Variants in ACACA observed in about 807,000 individuals in gnomAD.
The protein encoded by ACACA is acetyl-CoA carboxylase alpha, also known as acetyl-CoA carboxylase 1.
A neutral mutation model predicts 296.1 loss-of-function variants in ACACA; 103 were observed. The observed-to-expected ratio is 0.35, with a 90% CI of 0.30 to 0.41. ACACA has a LOEUF of 0.41. ACACA is among the 10% of genes least tolerant of loss of function. The pLI, the probability that ACACA is intolerant of heterozygous loss-of-function variation, is 1.00. For synonymous variants in ACACA, 953 were observed against 1,038.6 expected (o/e 0.92, Z 1.58); for missense variants, 1,554 against 2,989.7 (o/e 0.52, Z 11.20).
intron 1 of ACACA, chr17:37,359,151 G>A: frequency 2.5e-5 from 25 of 984,984 alleles, no homozygotes; most frequent in Non-Finnish European, 3.0e-5. Context: ...GGCTTCAGGG[G>A]CCTGACCCGC....
chr17:37,155,486 A>G (rs2076204693), intron 43 of ACACA, among the ~76,000 whole-genome samples, 197 bp downstream of exon 43: 1 of 152,168 alleles, frequency 6.6e-6, no homozygotes, highest in South Asian at 2.1e-4. Flanking sequence ...ATTAAGTATT[A>G]TAAATTTAAA....
At chr17:37,161,269 A>G (rs548967435) in intron 42 of ACACA, among the ~76,000 whole-genome samples, 4 of 152,326 alleles carry the variant, frequency 2.6e-5, no homozygotes, top group Non-Finnish European at 5.9e-5. Context: ...GGAAGCAGCA[A>G]TGAGGATCAA....
chr17:37,375,310 C>T (rs952014796), intron 1 of ACACA, among the ~76,000 whole-genome samples: 1 of 152,018 alleles, frequency 6.6e-6, no homozygotes, highest in South Asian at 2.1e-4. Context: ...CACGGTGAAA[C>T]GCTGTCTCTA....
At chr17:37,231,956 C>T (rs2079879313) in intron 25 of ACACA, among the ~76,000 whole-genome samples, 1 of 152,160 alleles carries the variant, frequency 6.6e-6, no homozygotes, top group African/African-American at 2.4e-5. Flanking sequence ...GTCTTCCAGA[C>T]TTTGTGTTAA....
intron 1 of ACACA, among the ~76,000 whole-genome samples, chr17:37,369,851 G>A (rs1465311961): frequency 6.6e-6 from 1 of 151,648 alleles, no homozygotes; most frequent in Admixed American, 6.6e-5. Context: ...GATTACAGGT[G>A]CGTACCACCA....
intron 1 of ACACA, among the ~76,000 whole-genome samples, chr17:37,403,840 G>T (rs936682846): frequency 6.6e-6 from 1 of 151,932 alleles, no homozygotes; most frequent in South Asian, 2.1e-4. Context: ...GGGCAGTGGT[G>T]CGATTTCAGC....
At chr17:37,102,228 G>C (rs532516157) in intron 52 of ACACA, among the ~76,000 whole-genome samples, 1 of 129,280 alleles carries the variant, frequency 7.7e-6, no homozygotes, top group Non-Finnish European at 1.6e-5. Context: ...TTTTTGAGAC[G>C]GAGTCTTGCT....
chr17:37,204,957 T>A (rs2078430127), intron 33 of ACACA, among the ~76,000 whole-genome samples: 1 of 152,096 alleles, frequency 6.6e-6, no homozygotes, highest in Admixed American at 6.5e-5. Context: ...AGGGAGAAAG[T>A]GAAGGAAGAT....
At chr17:37,177,626 T>C (rs1801094431) in intron 41 of ACACA, among the ~76,000 whole-genome samples, 1 of 152,184 alleles carries the variant, frequency 6.6e-6, no homozygotes, top group South Asian at 2.1e-4. Flanking sequence ...AAGGGTGCCT[T>C]CCATTCCTGA....
At chr17:37,244,959 A>G (rs1203953115) in intron 20 of ACACA, 121 bp downstream of exon 20, 2 of 1,476,028 alleles carry the variant, frequency 1.4e-6, no homozygotes, top group Non-Finnish European at 1.9e-6. Flanking sequence ...AAGGCATAAG[A>G]TTAATAGGGG....
intron 3 of ACACA, among the ~76,000 whole-genome samples, chr17:37,289,927 T>TA (rs2082965395): frequency 6.6e-6 from 1 of 152,228 alleles, no homozygotes; most frequent in East Asian, 1.9e-4. Flanking sequence ...TTTTCCCTGA[T>TA]AAATAGTGTG....
intron 36 of ACACA, among the ~76,000 whole-genome samples, chr17:37,192,516 T>C (rs1222671266): frequency 1.3e-5 from 2 of 152,210 alleles, no homozygotes; most frequent in African/African-American, 2.4e-5. Flanking sequence ...TATAGGATGA[T>C]ATTCCTAAAC....
At chr17:37,303,235 C>T (rs1273640876) in intron 3 of ACACA, among the ~76,000 whole-genome samples, 1 of 152,212 alleles carries the variant, frequency 6.6e-6, no homozygotes, top group African/African-American at 2.4e-5. Context: ...ACAGACATTT[C>T]ATATAAATGG....
intron 9 of ACACA, among the ~76,000 whole-genome samples, chr17:37,272,501 T>C (rs1333152300): frequency 1.3e-5 from 2 of 151,930 alleles, no homozygotes; most frequent in Non-Finnish European, 2.9e-5. Context: ...AGAATTAGTA[T>C]GATGAACTCA....
chr17:37,256,746 T>C (rs544831843), intron 14 of ACACA, among the ~76,000 whole-genome samples: 12 of 152,212 alleles, frequency 7.9e-5, no homozygotes, highest in African/African-American at 2.9e-4. Flanking sequence ...AATTAATTAA[T>C]TCAGGAAATT....
At chr17:37,165,272 A>C (rs1177189615) in intron 41 of ACACA, among the ~76,000 whole-genome samples, 1 of 152,142 alleles carries the variant, frequency 6.6e-6, no homozygotes, top group Non-Finnish European at 1.5e-5. Flanking sequence ...ATTTACATTA[A>C]AATAATTTAG....
At chr17:37,182,475 C>T (rs976783325) in intron 39 of ACACA, among the ~76,000 whole-genome samples, 6 of 152,034 alleles carry the variant, frequency 3.9e-5, no homozygotes, top group Non-Finnish European at 5.9e-5. Context: ...ATCATTTTAA[C>T]TCAAATATTT....
At position 37,248,579 on chromosome 17, in the gene ACACA, G is replaced by T. The variant is rs185513852; in HGVS notation, c.2163+14C>A. On this transcript the variant is annotated intron_variant, in intron 17 of 55. Coordinates refer to ENST00000616317, the MANE Select transcript of ACACA (RefSeq NM_198834.3). ...AAAAAAGTAAGGTGCAAGCTCCAAT[G>T]GGGTTCTGCATACCTTAAGTACATA... 1.4e-4 allele frequency: 225 copies of T among 1,572,300 alleles called. No homozygotes were observed. The African/African-American group carries it at 2.5e-3, about 18-fold the overall frequency.
chr17:37,378,056 A>G lies in ACACA; in HGVS notation c.38+28206T>C. On this transcript the variant is annotated intron_variant, in intron 1 of 55. Transcript: ENST00000616317. ...ATCTCATCTTCCCACTTCCTAGCCC[A>G]TATCTCAAATATCCTATTTTAAGGA... is the stretch of plus-strand genomic sequence containing the variant. The G allele has an allele frequency of 2.7e-5, 31 of 1,143,742 alleles. No homozygotes were observed. In the South Asian group the frequency reaches 4.1e-4, roughly 15 times the overall value. The allele number at this position is 1,143,742 out of a possible 1,614,324, so 70.8% of individuals were successfully genotyped here.
Sources: allele counts gnomAD v4.1 joint callset (sites outside exome capture counted in the v4.1 genomes callset), GRCh38; gene constraint gnomAD v4.1.1; transcripts MANE v1.5; gene names NCBI Gene and HGNC (gene_info 2026-07-23, HGNC 2026-07-21).